Variants in PCDH15 observed in about 807,000 individuals in gnomAD.
PCDH15 encodes protocadherin-15.
A neutral mutation model predicts 178.5 loss-of-function variants in PCDH15; 129 were observed. The ratio of observed to expected loss-of-function variants is 0.72; its 90% CI spans 0.63 to 0.84. The LOEUF (loss-of-function observed/expected upper bound fraction) is 0.84. PCDH15 is among the 40% of genes least tolerant of loss of function. The pLI is 0.00. For synonymous variants in PCDH15, 800 were observed against 732.0 expected, an observed-to-expected ratio of 1.09 and a Z score of -1.50; for missense variants, 2,230 against 2,099.9, an observed-to-expected ratio of 1.06 and a Z score of -1.21.
chr10:54,769,037 C>A (rs1948808126), intron 1 of PCDH15, among the ~76,000 whole-genome samples: 1 of 152,070 alleles, frequency 6.6e-6, no homozygotes, highest in South Asian at 2.1e-4. Context: ...ATGATGCACC[C>A]AACATTTCTC....
At chr10:54,002,805 T>C (rs552045175) in intron 20 of PCDH15, among the ~76,000 whole-genome samples, 39 of 151,924 alleles carry the variant, frequency 2.6e-4, no homozygotes, top group African/African-American at 8.7e-4. Flanking sequence ...CAAGGGAGGA[T>C]TGAAAAAAGA....
chr10:55,167,731 A>C (rs1376072517), intron 1 of PCDH15, among the ~76,000 whole-genome samples: 1 of 152,142 alleles, frequency 6.6e-6, no homozygotes, highest in Non-Finnish European at 1.5e-5. Context: ...AAACATGTAG[A>C]ATATAAAATT....
intron 1 of PCDH15, among the ~76,000 whole-genome samples, chr10:54,747,266 T>A (rs1456014305): frequency 6.6e-6 from 1 of 152,200 alleles, no homozygotes; most frequent in Non-Finnish European, 1.5e-5. Flanking sequence ...CAGCCACTGG[T>A]CAACTTTGCA....
chr10:53,901,633 C>T (rs2082340926), intron 26 of PCDH15, among the ~76,000 whole-genome samples: 1 of 152,134 alleles, frequency 6.6e-6, no homozygotes, highest in South Asian at 2.1e-4. Context: ...TTCCAACACA[C>T]CTAGAACGAA....
rs182449547 is a variant in PCDH15, at chr10:53,864,870, A to C, written c.3717+1772T>G. Among the ~76,000 whole-genome samples, 1,085 of 152,196 alleles carry C rather than the reference A, an allele frequency of 7.1e-3. 9 individuals are homozygous for C. Among genetic ancestry groups the C allele is most frequent in the African/African-American group, 0.025 (1,026 of 41,530 alleles). On this transcript the variant is annotated intron_variant, in intron 27 of 37. Coordinates refer to ENST00000644397, the MANE Select transcript of PCDH15 (RefSeq NM_001384140.1). Reference sequence around the variant, plus strand: ...GTTCCTTTGTTTCGTTCCTGTGTTAATTTGTGTGTTTTGTTCAATTCTTTG... The same window carrying C: ...GTTCCTTTGTTTCGTTCCTGTGTTACTTTGTGTGTTTTGTTCAATTCTTTG...
At chr10:55,215,307 A>T (rs1840674426) in intron 1 of PCDH15, among the ~76,000 whole-genome samples, 1 of 152,144 alleles carries the variant, frequency 6.6e-6, no homozygotes, top group African/African-American at 2.4e-5. Flanking sequence ...TTCATATTTG[A>T]ATTCAAGTGA....
At chr10:55,479,218 T>C (rs907007037) in intron 2 of PCDH15, among the ~76,000 whole-genome samples, 11 of 151,570 alleles carry the variant, frequency 7.3e-5, no homozygotes, top group African/African-American at 2.4e-4. Flanking sequence ...ATAAACCTGA[T>C]GAACATGCAT....
At chr10:54,178,685 G>C (rs1449330918) in intron 13 of PCDH15, among the ~76,000 whole-genome samples, 1 of 151,702 alleles carries the variant, frequency 6.6e-6, no homozygotes, top group South Asian at 2.1e-4. Flanking sequence ...AATGACTTAA[G>C]AAGTACCAGA....
At chr10:54,283,462 G>C (rs2058830732) in intron 8 of PCDH15, among the ~76,000 whole-genome samples, 1 of 152,082 alleles carries the variant, frequency 6.6e-6, no homozygotes, top group Non-Finnish European at 1.5e-5. Context: ...TTAGATAAGA[G>C]GTGGCCTGAA....
rs769987107 is a variant in PCDH15, at chr10:53,806,585, T to G, written c.5217A>C (p.Lys1739Asn). The G allele has an allele frequency of 6.3e-7, 1 of 1,592,464 alleles. No homozygotes were observed. The highest frequency in any genetic ancestry group is 8.6e-7 in the Non-Finnish European group (1 of 1,167,456). ...PWNNLHIPMT[K>N]L ...ATATCTTTTAAAAAATTGGTCACAG[T>G]TTTGTCATTGGTATATGGAGGTTGT... Residue 1739 changes from lysine to asparagine, a missense_variant, in exon 38 of 38, where the codon AAA becomes AAC. Coordinates refer to ENST00000644397, the MANE Select transcript of PCDH15 (RefSeq NM_001384140.1).
chr10:53,916,409 G>T (rs755972684), intron 25 of PCDH15, among the ~76,000 whole-genome samples: 5 of 150,184 alleles, frequency 3.3e-5, no homozygotes, highest in Admixed American at 6.6e-5. Context: ...CAAAATAGGA[G>T]TTAAGGATGC....
At chr10:53,970,068 C>T (rs757624124) in intron 21 of PCDH15, among the ~76,000 whole-genome samples, 38 of 151,998 alleles carry the variant, frequency 2.5e-4, no homozygotes, top group Non-Finnish European at 4.7e-4. Context: ...GACTGGCAAA[C>T]TGGATAAAGA....
At chr10:54,630,781 C>A (rs1054544795) in intron 2 of PCDH15, among the ~76,000 whole-genome samples, 1 of 151,962 alleles carries the variant, frequency 6.6e-6, no homozygotes, top group Non-Finnish European at 1.5e-5. Context: ...ATATCCGGAG[C>A]CTCTAAGGAA....
chr10:54,728,950 C>T (rs559913574), intron 1 of PCDH15, among the ~76,000 whole-genome samples: 1 of 151,402 alleles, frequency 6.6e-6, no homozygotes, highest in Non-Finnish European at 1.5e-5. Context: ...AAATACATAC[C>T]ATGCTCATGG....
chr10:54,808,342 CAT>C (rs1195332130), intron 3 of PCDH15, among the ~76,000 whole-genome samples: 1 of 152,162 alleles, frequency 6.6e-6, no homozygotes, highest in East Asian at 1.9e-4. Context: ...TCAGAGAGCA[CAT>C]GTGTTAGACA....
chr10:54,739,803 A>T (rs1375444169), intron 1 of PCDH15, among the ~76,000 whole-genome samples: 2 of 152,096 alleles, frequency 1.3e-5, no homozygotes, highest in Admixed American at 1.3e-4. Context: ...TTTTCAATGA[A>T]TGGTGCTGGG....
chr10:54,660,051 T>C (rs2094467327), intron 2 of PCDH15, among the ~76,000 whole-genome samples: 1 of 151,944 alleles, frequency 6.6e-6, no homozygotes, highest in South Asian at 2.1e-4. Flanking sequence ...AAACCAAATG[T>C]AAAGCTAGAA....
At chr10:55,253,321 A>G (rs1841896909) in intron 1 of PCDH15, among the ~76,000 whole-genome samples, 1 of 152,010 alleles carries the variant, frequency 6.6e-6, no homozygotes, top group East Asian at 1.9e-4. Context: ...TAGTAGAAAA[A>G]CATATTTCTT....
chr10:54,986,525 T>G (rs1315850456), intron 2 of PCDH15, among the ~76,000 whole-genome samples: 1 of 152,178 alleles, frequency 6.6e-6, no homozygotes, highest in Non-Finnish European at 1.5e-5. Flanking sequence ...AGAGTCAGTT[T>G]CAATATCATT....
Sources: allele counts gnomAD v4.1 joint callset (sites outside exome capture counted in the v4.1 genomes callset), GRCh38; gene constraint gnomAD v4.1.1; transcripts MANE v1.5; gene names NCBI Gene and HGNC (gene_info 2026-07-23, HGNC 2026-07-21).